CRISP2: variants seen among roughly 807,000 people sequenced by gnomAD.
CRISP2 encodes the protein cysteine rich secretory protein 2, also known as cysteine-rich secretory protein 2.
CRISP2 carries 29 observed loss-of-function variants against 31.7 expected under a neutral mutation model. That is an observed-to-expected ratio of 0.92 (90% CI 0.68 to 1.25). CRISP2 has a LOEUF of 1.25. CRISP2 is among the 50% of genes most tolerant of loss of function. The pLI is 0.00. For synonymous variants in CRISP2, 111 were observed against 101.4 expected, an observed-to-expected ratio of 1.09 and a Z score of -0.57; for missense variants, 318 against 286.5, an observed-to-expected ratio of 1.11 and a Z score of -0.79.
Position 49,695,845 on chromosome 6 carries a change from C to T in CRISP2, c.595G>A (p.Gly199Arg), listed in dbSNP as rs1764644617. 6.2e-7 allele frequency: 1 copy of T among 1,610,386 alleles called. No individual in the cohort carries two copies. The part of the protein sequence containing the change: ...CAGCPDDCDK[G>R]LCTNSCQYQD... ...ATCACTTCAAACTTACTGCATAGTC[C>T]TTTGTCACAGTCATCAGGGCAACCG... is the stretch of plus-strand genomic sequence containing the variant. The change falls in exon 9 of 10, where the codon GGA (glycine) becomes AGA (arginine). Residue 199 changes from glycine (G) to arginine (R), a missense_variant. Transcript: ENST00000339139.
At chr6:49,702,039 TATAA>T (rs1230721385) in intron 4 of CRISP2, among the ~76,000 whole-genome samples, 2 of 112,272 alleles carry the variant, frequency 1.8e-5, no homozygotes, top group African/African-American at 6.9e-5. Flanking sequence ...TGTATACATA[TATAA>T]GTTTATATTA....
At chr6:49,701,669 ATTATATATGTATACAT>A (rs1765817805) in intron 4 of CRISP2, among the ~76,000 whole-genome samples, 1 of 126,246 alleles carries the variant, frequency 7.9e-6, no homozygotes, top group Non-Finnish European at 1.6e-5. Context: ...ATATGTATAC[ATTATATATGTATACAT>A]TATATATGTA....
rs766258708 is a variant in CRISP2, at chr6:49,692,785, G to A, written c.720C>T (p.Asn240=). 2 of 1,612,980 alleles carry A rather than the reference G, an allele frequency of 1.2e-6. No individual in the cohort carries two copies. Among genetic ancestry groups the A allele is most frequent in the South Asian group, 1.1e-5 (1 of 90,972 alleles). The change falls in exon 10 of 10, where the codon AAC becomes AAT. Residue 240 remains asparagine (N), a synonymous_variant. Transcript: ENST00000339139. ...EKCKATCLCE[N]KIY is the part of the protein sequence containing the mutation. ...CTCACTAGGTAAATCAGTAAATTTT[G>A]TTCTCACATAGGCAAGTAGCCTTGC...
chr6:49,690,461 G>A (rs1377619816), downstream of CRISP2, among the ~76,000 whole-genome samples: 1 of 152,010 alleles, frequency 6.6e-6, no homozygotes, highest in Non-Finnish European at 1.5e-5. Flanking sequence ...AAGCAAGGAA[G>A]TATGAAAAGA....
the CRISP2 span, among the ~76,000 whole-genome samples, chr6:49,679,945 ATCCACCAGCTGTGGCCT>A: frequency 1.3e-5 from 2 of 152,102 alleles, no homozygotes; most frequent in African/African-American, 2.4e-5. Context: ...ACCTCAGGTG[ATCCACCAGCTGTGGCCT>A]TCCAAAGTGC....
chr6:49,685,717 G>A, the CRISP2 span, among the ~76,000 whole-genome samples: 2 of 152,096 alleles, frequency 1.3e-5, no homozygotes, highest in African/African-American at 2.4e-5. Context: ...TACCTAGAAG[G>A]AATATGGCAT....
downstream of CRISP2, among the ~76,000 whole-genome samples, chr6:49,687,734 G>C (rs188056957): frequency 1.3e-3 from 205 of 152,292 alleles, 1 homozygote; most frequent in African/African-American, 4.4e-3. Flanking sequence ...CCATCCTTGA[G>C]CCCTGGAGCC....
At chr6:49,678,176 C>G in the CRISP2 span, among the ~76,000 whole-genome samples, 2 of 152,124 alleles carry the variant, frequency 1.3e-5, no homozygotes, top group Non-Finnish European at 2.9e-5. Context: ...AGAAACAATT[C>G]AACACAACAA....
chr6:49,690,983 TAGATA>T (rs1764033938), downstream of CRISP2, among the ~76,000 whole-genome samples: 1 of 151,880 alleles, frequency 6.6e-6, no homozygotes, highest in Non-Finnish European at 1.5e-5. Flanking sequence ...TCACTAGAGT[TAGATA>T]AATTTTAAGA....
At chr6:49,705,358 G>A (rs1223536313) in intron 4 of CRISP2, among the ~76,000 whole-genome samples, 1 of 152,074 alleles carries the variant, frequency 6.6e-6, no homozygotes, top group South Asian at 2.1e-4. Context: ...CCCCTGCTGT[G>A]CTCCCTCAAT....
At chr6:49,683,663 CAAAAAAAAAAAAAAAAAA>C in the CRISP2 span, among the ~76,000 whole-genome samples, 5 of 18,512 alleles carry the variant, frequency 2.7e-4, no homozygotes, top group African/African-American at 7.5e-4. Context: ...GACTCCATTT[CAAAAAAAAAAAAAAAAAA>C]AAAAAAAAAA....
the CRISP2 span, among the ~76,000 whole-genome samples, chr6:49,682,419 CTATT>C: frequency 3.7e-3 from 569 of 152,024 alleles, 1 homozygote; most frequent in African/African-American, 0.013. Context: ...CTCTAGTTAT[CTATT>C]TATTTTCTTT....
intron 4 of CRISP2, among the ~76,000 whole-genome samples, chr6:49,701,049 T>A (rs1407074906): frequency 6.6e-6 from 1 of 152,066 alleles, no homozygotes; most frequent in Non-Finnish European, 1.5e-5. Flanking sequence ...AGATTAAAGC[T>A]TTGGGAATTG....
At chr6:49,702,863 A>C (rs146691688) in intron 4 of CRISP2, among the ~76,000 whole-genome samples, 1 of 151,964 alleles carries the variant, frequency 6.6e-6, no homozygotes, top group Non-Finnish European at 1.5e-5. Context: ...CTTGGTCATA[A>C]GACATTTGCC....
intron 8 of CRISP2, 43 bp downstream of exon 8, chr6:49,697,817 G>T (rs1173011714): frequency 6.2e-7 from 1 of 1,602,864 alleles, no homozygotes; most frequent in East Asian, 2.2e-5. Context: ...AAAATAAATT[G>T]CAGATAGAAT....
At position 49,707,470 on chromosome 6, in the gene CRISP2, A is replaced by G. The variant is rs567209225; in HGVS notation, c.66+1661T>C. On this transcript the variant is annotated intron_variant, in intron 4 of 9. Coordinates refer to ENST00000339139, the MANE Select transcript of CRISP2 (RefSeq NM_003296.4). ...TCAAACATTTAGTGGTGCCAAAGAC[A>G]AAATGACATCTCACTTTTTAATAAT... 4.6e-5 allele frequency among the ~76,000 whole-genome samples: 7 copies of G among 152,298 alleles called. No homozygotes were observed. In the South Asian group the frequency reaches 1.4e-3, roughly 32 times the overall value.
intron 8 of CRISP2, among the ~76,000 whole-genome samples, chr6:49,697,283 T>A (rs1764928585): frequency 6.6e-6 from 1 of 152,232 alleles, no homozygotes; most frequent in South Asian, 2.1e-4. Context: ...AAGAGCTTTC[T>A]GTGAACAATT....
intron 4 of CRISP2, among the ~76,000 whole-genome samples, chr6:49,703,830 C>T (rs1005584536): frequency 1.3e-5 from 2 of 152,056 alleles, no homozygotes; most frequent in African/African-American, 2.4e-5. Context: ...GACTATGTAC[C>T]CAGGTCATGA....
downstream of CRISP2, among the ~76,000 whole-genome samples, chr6:49,689,499 TA>T (rs1392231929): frequency 6.6e-6 from 1 of 152,154 alleles, no homozygotes. Context: ...TGCCAAGCAG[TA>T]TTTTAAATAA....
Sources: gnomAD v4.1 joint callset for allele counts (sites outside exome capture counted in the v4.1 genomes callset) on GRCh38, gnomAD v4.1.1 for gene constraint, MANE v1.5 for transcripts, NCBI Gene and HGNC (gene_info 2026-07-23, HGNC 2026-07-21) for gene names.